Variants in COP1 observed in about 807,000 individuals in gnomAD.
COP1 encodes E3 ubiquitin-protein ligase COP1.
In COP1, 24 loss-of-function variants were observed where a neutral mutation model predicts 101.3. The ratio of observed to expected loss-of-function variants is 0.24; its 90% CI spans 0.17 to 0.33. The LOEUF (loss-of-function observed/expected upper bound fraction) is 0.33, where lower values mean the gene tolerates loss of function less well. Ranked by LOEUF, COP1 falls within the 10% of genes least tolerant of loss-of-function variation. The pLI is 1.00. For synonymous variants in COP1, 347 were observed against 341.9 expected (o/e 1.01, Z -0.17); for missense variants, 663 against 906.2 (o/e 0.73, Z 3.45).
intron 3 of COP1, among the ~76,000 whole-genome samples, chr1:176,164,814 A>G (rs1269203373): frequency 6.6e-6 from 1 of 152,198 alleles, no homozygotes; most frequent in Non-Finnish European, 1.5e-5. Context: ...TACAACCAAC[A>G]AATATAAACT....
intron 1 of COP1, among the ~76,000 whole-genome samples, chr1:176,196,796 T>C (rs1699740663): frequency 6.6e-6 from 1 of 151,596 alleles, no homozygotes; most frequent in Non-Finnish European, 1.5e-5. Context: ...TCCCAGCACT[T>C]TGAGAGGTCA....
At chr1:175,999,487 A>T (rs112023767) in intron 15 of COP1, among the ~76,000 whole-genome samples, 3,821 of 152,042 alleles carry the variant, frequency 0.025, 153 homozygotes, top group African/African-American at 0.087. Flanking sequence ...TATATGTACC[A>T]CATTTCCCTT....
intron 10 of COP1, among the ~76,000 whole-genome samples, chr1:176,082,283 A>C (rs933179439): frequency 6.6e-6 from 1 of 152,218 alleles, no homozygotes; most frequent in African/African-American, 2.4e-5. Flanking sequence ...AAGCCCATAC[A>C]TACACACACA....
Position 176,206,605 on chromosome 1 carries a change from T to G in COP1, c.374A>C (p.Asn125Thr), listed in dbSNP as rs766782262. 2.5e-6 allele frequency: 4 copies of G among 1,611,270 alleles called. No homozygotes were observed. Among genetic ancestry groups the G allele is most frequent in the African/African-American group, 1.3e-5 (1 of 74,720 alleles). ...GTCGTTGCTTTTGTCCTCGTAGGAG[T>G]TGATGAGCCCGTTGCAGAGGGGGGC... ...LLAPLCNGLINSYEDKSNDFV... is the reference protein window; with the variant it reads ...LLAPLCNGLITSYEDKSNDFV... The change falls in exon 1 of 20, where the codon AAC becomes ACC. Residue 125 changes from asparagine (N) to threonine (T), a missense_variant. By Grantham distance (65) the Asn-to-Thr change is moderately conservative (BLOSUM62 0). Transcript: ENST00000367669.
At chr1:175,951,536 G>GA (rs1217858017) in intron 18 of COP1, among the ~76,000 whole-genome samples, 3 of 148,786 alleles carry the variant, frequency 2.0e-5, no homozygotes, top group Non-Finnish European at 3.0e-5. Flanking sequence ...CTGGAAAACT[G>GA]AAAAAAATAT....
intron 14 of COP1, among the ~76,000 whole-genome samples, chr1:176,033,387 A>G (rs1383461711): frequency 6.6e-6 from 1 of 152,146 alleles, no homozygotes. Flanking sequence ...AGATCGTGCC[A>G]TTGCACTCCA....
At chr1:176,163,440 C>G (rs1050015135) in intron 4 of COP1, among the ~76,000 whole-genome samples, 2 of 152,212 alleles carry the variant, frequency 1.3e-5, no homozygotes, top group African/African-American at 4.8e-5. Context: ...AAGCTAGTCT[C>G]AAATTCTTGG....
chr1:176,122,664 G>GT (rs2149644885), intron 8 of COP1, among the ~76,000 whole-genome samples: 1 of 152,234 alleles, frequency 6.6e-6, no homozygotes, highest in African/African-American at 2.4e-5. Flanking sequence ...GTTACAAAAA[G>GT]TAACAGTTAC....
chr1:176,054,076 C>A (rs896741698), intron 11 of COP1, among the ~76,000 whole-genome samples: 1 of 152,088 alleles, frequency 6.6e-6, no homozygotes, highest in Admixed American at 6.5e-5. Flanking sequence ...CTACCCTCAT[C>A]CACTCACTCT....
intron 8 of COP1, among the ~76,000 whole-genome samples, chr1:176,117,418 G>C (rs1180100956): frequency 6.6e-6 from 1 of 151,948 alleles, no homozygotes; most frequent in East Asian, 1.9e-4. Flanking sequence ...CAGAAGTGTA[G>C]ACTATCTTTT....
Position 176,099,707 on chromosome 1 carries a change from G to A in COP1, c.1027-13817C>T, listed in dbSNP as rs191677401. Among the ~76,000 whole-genome samples the A allele has an allele frequency of 7.7e-3, 1,175 of 152,240 alleles. 17 individuals carry two copies. Among genetic ancestry groups the A allele is most frequent in the African/African-American group, 0.026 (1,090 of 41,522 alleles). On this transcript the variant is annotated intron_variant, in intron 9 of 19. Transcript: ENST00000367669. ...CTTGAAGGGTATGCTTCCCTTTAAG[G>A]AGTCAAGCTCGACTTGCAGAGCCAA...
chr1:175,967,300 C>T (rs1244189865), intron 18 of COP1, among the ~76,000 whole-genome samples: 2 of 152,180 alleles, frequency 1.3e-5, no homozygotes, highest in African/African-American at 2.4e-5. Flanking sequence ...GCGTGAGCCA[C>T]CGCGCCGTTG....
intron 9 of COP1, among the ~76,000 whole-genome samples, chr1:176,090,700 C>A (rs1326774819): frequency 2.0e-5 from 3 of 152,134 alleles, no homozygotes; most frequent in Non-Finnish European, 2.9e-5. Context: ...TCTGAAAGAA[C>A]TGCCTAGAAT....
intron 8 of COP1, among the ~76,000 whole-genome samples, chr1:176,129,344 G>C (rs1019873267): frequency 6.6e-6 from 1 of 151,714 alleles, no homozygotes; most frequent in African/African-American, 2.4e-5. Flanking sequence ...TCATATAAAA[G>C]TCTTACCTAT....
intron 15 of COP1, among the ~76,000 whole-genome samples, chr1:176,027,175 G>T (rs1469086527): frequency 6.6e-6 from 1 of 152,098 alleles, no homozygotes; most frequent in African/African-American, 2.4e-5. Flanking sequence ...GCATAGTAGG[G>T]ACTCAATAAA....
chr1:175,973,918 A>G (rs1426953672), intron 18 of COP1, among the ~76,000 whole-genome samples: 2 of 152,204 alleles, frequency 1.3e-5, no homozygotes, highest in Non-Finnish European at 2.9e-5. Context: ...AAAACCCAGC[A>G]TTCGGTGTTT....
chr1:175,988,942 TCTA>T (rs1657769555), intron 16 of COP1: 1 of 158,238 alleles, frequency 6.3e-6, no homozygotes, highest in Non-Finnish European at 1.4e-5. Flanking sequence ...CAAAAATAAT[TCTA>T]CTACTATACT....
chr1:176,020,132 G>A (rs1313930220), intron 15 of COP1, among the ~76,000 whole-genome samples: 2 of 151,246 alleles, frequency 1.3e-5, no homozygotes, highest in Non-Finnish European at 2.9e-5. Context: ...CCAACATGGC[G>A]AAACCCCATC....
chr1:175,957,866 G>T (rs1369487630), intron 18 of COP1, among the ~76,000 whole-genome samples: 1 of 152,072 alleles, frequency 6.6e-6, no homozygotes, highest in Non-Finnish European at 1.5e-5. Flanking sequence ...ACAGATACAG[G>T]CAATAACACA....
Sources: allele counts gnomAD v4.1 joint callset (sites outside exome capture counted in the v4.1 genomes callset), GRCh38; gene constraint gnomAD v4.1.1; transcripts MANE v1.5; gene names NCBI Gene and HGNC (gene_info 2026-07-23, HGNC 2026-07-21).